The following POLD3 variants were observed in gnomAD, a reference collection of about 807,000 sequenced individuals.
The protein encoded by POLD3 is DNA polymerase delta subunit 3.
A neutral mutation model predicts 58.2 loss-of-function variants in POLD3; 19 were observed. The observed-to-expected ratio is 0.33, with a 90% CI of 0.23 to 0.48. The LOEUF (loss-of-function observed/expected upper bound fraction) is 0.48, where lower values mean the gene tolerates loss of function less well. POLD3 is among the 20% of genes least tolerant of loss of function. The probability of loss-of-function intolerance (pLI) is 0.99; values close to 1 mark genes in which losing one functional copy is unlikely to be tolerated. For synonymous variants in POLD3, 172 were observed against 193.5 expected (o/e 0.89, Z 0.92); for missense variants, 504 against 545.5 (o/e 0.92, Z 0.76).
intron 2 of POLD3, chr11:74,604,441 A>G (rs1422707684): frequency 1.4e-5 from 5 of 358,176 alleles, no homozygotes; most frequent in East Asian, 5.2e-5. Flanking sequence ...CTCTTGGTCT[A>G]TTATTAATCT....
At chr11:74,647,602 G>T (rs1305391318), downstream of POLD3, among the ~76,000 whole-genome samples, 1 of 152,156 alleles carries the variant, frequency 6.6e-6, no homozygotes, top group African/African-American at 2.4e-5. Flanking sequence ...TACAAATGTG[G>T]CTTGAGTCAT....
intron 9 of POLD3, among the ~76,000 whole-genome samples, chr11:74,631,920 C>T (rs2032605313): frequency 6.6e-6 from 1 of 152,092 alleles, no homozygotes; most frequent in Non-Finnish European, 1.5e-5. Flanking sequence ...CTGTTTGTAA[C>T]TTTCTACCCA....
intron 9 of POLD3, 150 bp downstream of exon 9, chr11:74,629,473 A>G (rs943445089): frequency 1.9e-6 from 1 of 514,684 alleles, no homozygotes; most frequent in Admixed American, 3.8e-5. Context: ...TGAAATCTGC[A>G]TTAGCCTTTT....
intron 7 of POLD3, among the ~76,000 whole-genome samples, chr11:74,625,058 G>T (rs1172586987): frequency 1.3e-5 from 2 of 152,178 alleles, no homozygotes; most frequent in Non-Finnish European, 2.9e-5. Flanking sequence ...GTCACCATTT[G>T]TAAACTGTGT....
chr11:74,630,892 C>T (rs1031025924), intron 9 of POLD3, among the ~76,000 whole-genome samples: 12 of 152,110 alleles, frequency 7.9e-5, no homozygotes, highest in Non-Finnish European at 1.6e-4. Context: ...GATCTGTAGC[C>T]TACAAAAATA....
chr11:74,634,726 A>C, intron 10 of POLD3, 31 bp downstream of exon 10: 1 of 1,241,178 alleles, frequency 8.1e-7, no homozygotes, highest in Non-Finnish European at 1.2e-6. Context: ...TTGCATGTCC[A>C]TGCATCCTTT....
chr11:74,637,702 C>T (rs116223829), intron 11 of POLD3, among the ~76,000 whole-genome samples: 1,633 of 151,440 alleles, frequency 0.011, 30 homozygotes, highest in African/African-American at 0.037. Flanking sequence ...ATATAGTACT[C>T]GAGTTTTGGC....
intron 4 of POLD3, among the ~76,000 whole-genome samples, chr11:74,655,995 G>A (rs10899025): frequency 0.11 from 17,340 of 152,170 alleles, 1,192 homozygotes; most frequent in African/African-American, 0.18. Context: ...GACAGGATAC[G>A]AGGCCAATAT....
intron 4 of POLD3, among the ~76,000 whole-genome samples, chr11:74,653,195 G>T (rs1474434850): frequency 6.6e-6 from 1 of 152,208 alleles, no homozygotes; most frequent in Non-Finnish European, 1.5e-5. Flanking sequence ...AAAAACCACA[G>T]TAACTTTTGC....
At chr11:74,616,458 A>G (rs755905758) in intron 5 of POLD3, among the ~76,000 whole-genome samples, 32 of 152,348 alleles carry the variant, frequency 2.1e-4, no homozygotes, top group Non-Finnish European at 3.5e-4. Flanking sequence ...CTCATTGCCA[A>G]TTCCTGGTCC....
chr11:74,635,061 C>T (rs985928098), intron 10 of POLD3, among the ~76,000 whole-genome samples: 5 of 152,156 alleles, frequency 3.3e-5, no homozygotes, highest in Admixed American at 1.3e-4. Flanking sequence ...ACTTAACACA[C>T]GTTTGTTGCT....
chr11:74,597,789 G>A (rs1249307186), intron 2 of POLD3, among the ~76,000 whole-genome samples: 1 of 152,226 alleles, frequency 6.6e-6, no homozygotes, highest in African/African-American at 2.4e-5. Context: ...AAATGCTTCA[G>A]TCGGGTGGCT....
intron 5 of POLD3, among the ~76,000 whole-genome samples, chr11:74,617,524 C>T (rs186398892): frequency 1.3e-5 from 2 of 152,270 alleles, no homozygotes; most frequent in African/African-American, 4.8e-5. Context: ...GCCTCAGCCT[C>T]CTGAGTAGCT....
chr11:74,663,306 A>G (rs1161513881), intron 4 of POLD3, among the ~76,000 whole-genome samples: 1 of 152,236 alleles, frequency 6.6e-6, no homozygotes, highest in African/African-American at 2.4e-5. Flanking sequence ...GTTCTCTCCA[A>G]ATGGATCAAT....
chr11:74,636,222 A>G lies in POLD3; in HGVS notation c.1145A>G (p.Lys382Arg), dbSNP rs751098718. The G allele has an allele frequency of 1.8e-5, 29 of 1,611,088 alleles. No homozygotes were observed. Among genetic ancestry groups the G allele is most frequent in the Non-Finnish European group, 2.3e-5 (27 of 1,177,342 alleles). The change falls in exon 11 of 12, where the codon AAA becomes AGA. Residue 382 changes from lysine (K) to arginine (R), a missense_variant. Lys to Arg is a conservative substitution (Grantham distance 26). This residue lies in a region of POLD3 where 385 missense variants were observed against 370.5 expected (regional missense o/e 1.04). Coordinates refer to ENST00000263681, the MANE Select transcript of POLD3 (RefSeq NM_006591.3). The part of the protein sequence containing the change: ...VKSSSGENKR[K>R]RKRVLKSKTY... ...AGCTCAAGTGGAGAAAACAAAAGAA[A>G]ACGAAAACGCGTACTAAAATCTAAA...
At chr11:74,645,304 T>G (rs180726070), downstream of POLD3, among the ~76,000 whole-genome samples, 10 of 152,362 alleles carry the variant, frequency 6.6e-5, no homozygotes, top group Non-Finnish European at 1.0e-4. Context: ...AACCATGATT[T>G]AGTGAATCTT....
At chr11:74,643,843 G>C (rs2032966462), downstream of POLD3, among the ~76,000 whole-genome samples, 1 of 152,152 alleles carries the variant, frequency 6.6e-6, no homozygotes, top group South Asian at 2.1e-4. Context: ...TTCTACCCTT[G>C]CATATGCACA....
At chr11:74,603,421 G>A (rs777688197) in intron 2 of POLD3, among the ~76,000 whole-genome samples, 3 of 152,146 alleles carry the variant, frequency 2.0e-5, no homozygotes, top group Non-Finnish European at 4.4e-5. Flanking sequence ...CGTGGTTTCA[G>A]CAGATGATGT....
chr11:74,646,171 C>A (rs1171639071), downstream of POLD3, among the ~76,000 whole-genome samples: 1 of 152,162 alleles, frequency 6.6e-6, no homozygotes, highest in Non-Finnish European at 1.5e-5. Flanking sequence ...CGGGGTTTCA[C>A]CACGTTGGCC....
Sources: gnomAD v4.1 joint callset for allele counts (sites outside exome capture counted in the v4.1 genomes callset) on GRCh38, gnomAD v4.1.1 for gene constraint, gnomAD v4.1.1 regional missense constraint, MANE v1.5 for transcripts, NCBI Gene and HGNC (gene_info 2026-07-23, HGNC 2026-07-21) for gene names.